Variants in ASTN2 observed in about 807,000 individuals in gnomAD.
The protein encoded by ASTN2 is astrotactin 2.
ASTN2 carries 54 observed loss-of-function variants against 139.8 expected under a neutral mutation model. That is an observed-to-expected ratio of 0.39 (90% CI 0.31 to 0.48). ASTN2 has a LOEUF of 0.48. Ranked by LOEUF, ASTN2 falls within the 20% of genes least tolerant of loss-of-function variation. The pLI, the probability that ASTN2 is intolerant of heterozygous loss-of-function variation, is 0.95. For synonymous variants in ASTN2, 756 were observed against 719.5 expected (o/e 1.05, Z -0.81); for missense variants, 1,565 against 1,725.1 (o/e 0.91, Z 1.64).
At chr9:116,529,040 G>A (rs549120572) in intron 19 of ASTN2, among the ~76,000 whole-genome samples, 18 of 152,192 alleles carry the variant, frequency 1.2e-4, no homozygotes, top group Non-Finnish European at 2.2e-4. Flanking sequence ...CTTACACAGT[G>A]TCACCACTGG....
intron 5 of ASTN2, among the ~76,000 whole-genome samples, chr9:117,081,361 C>T (rs1202973379): frequency 6.6e-6 from 1 of 151,984 alleles, no homozygotes; most frequent in African/African-American, 2.4e-5. Context: ...GAAACATACC[C>T]TCAGCCCCTT....
chr9:117,127,672 G>GT (rs11427891), intron 4 of ASTN2, among the ~76,000 whole-genome samples: 6,479 of 70,732 alleles, frequency 0.092, 1,452 homozygotes, highest in East Asian at 0.3. Flanking sequence ...TTTTGTTTTG[G>GT]TTTTTTTTTT....
intron 16 of ASTN2, among the ~76,000 whole-genome samples, chr9:116,703,240 C>T (rs1032131524): frequency 2.0e-5 from 3 of 151,586 alleles, no homozygotes; most frequent in Non-Finnish European, 4.4e-5. Context: ...TGATGATGAG[C>T]ATTTTTTCAT....
At position 116,622,034 on chromosome 9, in the gene ASTN2, C is replaced by T. The variant is rs1416488036; in HGVS notation, c.3073-1591G>A. On this transcript the variant is annotated intron_variant, in intron 17 of 22. Coordinates refer to ENST00000313400, the MANE Select transcript of ASTN2 (RefSeq NM_001365068.1). Reference sequence around the variant, plus strand: ...GCTTTGCCTGCTCTGCATGATGTTCCTATTTTTCATTTCTTTCATGTTTTT... The same window carrying T: ...GCTTTGCCTGCTCTGCATGATGTTCTTATTTTTCATTTCTTTCATGTTTTT... Among the ~76,000 whole-genome samples, 4 of 152,288 alleles carry T rather than the reference C, an allele frequency of 2.6e-5. 1 individual carries two copies. The highest frequency in any genetic ancestry group is 2.0e-4 in the Admixed American group (3 of 15,296).
rs147999363 is a variant in ASTN2 at position 116,766,785 on chromosome 9, C to T, written c.2397-33262G>A. ...ACGCACATACATTCATATTCATATA[C>T]ATCTAAACACACACACATTCATACA... On this transcript the variant is annotated intron_variant, in intron 13 of 22. Transcript: ENST00000313400. 8.6e-5 allele frequency among the ~76,000 whole-genome samples: 13 copies of T among 151,956 alleles called. No individual in the cohort carries two copies. In the East Asian group the frequency reaches 2.5e-3, roughly 29 times the overall value.
chr9:117,190,394 G>T (rs1347338142), intron 3 of ASTN2, among the ~76,000 whole-genome samples: 1 of 152,122 alleles, frequency 6.6e-6, no homozygotes, highest in Non-Finnish European at 1.5e-5. Context: ...GCTCTCGTTA[G>T]TATCCTCGCT....
chr9:117,057,301 G>A (rs1034678267), intron 5 of ASTN2, among the ~76,000 whole-genome samples: 5 of 152,102 alleles, frequency 3.3e-5, no homozygotes, highest in African/African-American at 4.8e-5. Context: ...AGCTCCTTGC[G>A]CTGAAATGGA....
intron 19 of ASTN2, among the ~76,000 whole-genome samples, chr9:116,499,196 CTTT>C (rs1849772464): frequency 6.6e-6 from 1 of 152,164 alleles, no homozygotes; most frequent in African/African-American, 2.4e-5. Context: ...TCTTTATTTG[CTTT>C]TTATTACTAA....
intron 17 of ASTN2, 36 bp downstream of exon 17, chr9:116,651,492 C>A (rs756628519): frequency 1.2e-6 from 2 of 1,601,140 alleles, no homozygotes; most frequent in South Asian, 2.2e-5. Flanking sequence ...GAGGGCTGGT[C>A]AAGTTTGACT....
intron 20 of ASTN2, among the ~76,000 whole-genome samples, chr9:116,451,089 G>A (rs146947458): frequency 1.7e-3 from 255 of 152,230 alleles, no homozygotes; most frequent in Non-Finnish European, 2.6e-3. Context: ...CTGGCAGGGA[G>A]AGCTCTGTAG....
At chr9:116,606,536 G>A (rs1855215497) in intron 19 of ASTN2, among the ~76,000 whole-genome samples, 1 of 152,290 alleles carries the variant, frequency 6.6e-6, no homozygotes, top group South Asian at 2.1e-4. Context: ...GGACTTGGCT[G>A]CCAGCAAAAA....
chr9:117,385,199 G>A (rs943656070), intron 1 of ASTN2, among the ~76,000 whole-genome samples: 1 of 151,994 alleles, frequency 6.6e-6, no homozygotes, highest in Non-Finnish European at 1.5e-5. Context: ...GAACATAAGG[G>A]AATATGCCTC....
intron 1 of ASTN2, among the ~76,000 whole-genome samples, chr9:117,356,379 T>C (rs1564163158): frequency 6.6e-6 from 1 of 152,208 alleles, no homozygotes; most frequent in African/African-American, 2.4e-5. Context: ...GAGATTATTA[T>C]CCCATGTTTG....
intron 1 of ASTN2, among the ~76,000 whole-genome samples, chr9:117,407,950 T>C (rs928269328): frequency 1.3e-5 from 2 of 152,142 alleles, no homozygotes; most frequent in Non-Finnish European, 2.9e-5. Context: ...TAAACCCGAC[T>C]CTTTTTTTCC....
At chr9:116,497,330 C>T (rs1849699673) in intron 19 of ASTN2, among the ~76,000 whole-genome samples, 1 of 152,184 alleles carries the variant, frequency 6.6e-6, no homozygotes, top group African/African-American at 2.4e-5. Context: ...AACTTGTTAG[C>T]CTCACTGTTC....
chr9:116,994,481 A>G (rs184606203), intron 7 of ASTN2, among the ~76,000 whole-genome samples: 2 of 152,282 alleles, frequency 1.3e-5, no homozygotes, highest in East Asian at 1.9e-4. Context: ...TATATGAAAT[A>G]TAGTTCTGCT....
chr9:116,805,589 G>C, intron 13 of ASTN2, 43 bp downstream of exon 13: 1 of 1,585,228 alleles, frequency 6.3e-7, no homozygotes, highest in Middle Eastern at 1.7e-4. Context: ...CAGGTTGTTT[G>C]TCAGTGACTC....
At chr9:117,348,247 G>T (rs1829284718) in intron 1 of ASTN2, among the ~76,000 whole-genome samples, 1 of 152,190 alleles carries the variant, frequency 6.6e-6, no homozygotes, top group African/African-American at 2.4e-5. Flanking sequence ...AGGTAGTTCA[G>T]TCTAAAATTG....
intron 10 of ASTN2, among the ~76,000 whole-genome samples, chr9:116,895,576 A>G (rs1336560738): frequency 6.6e-6 from 1 of 152,236 alleles, no homozygotes; most frequent in Non-Finnish European, 1.5e-5. Context: ...GGAGTTTGGT[A>G]GTAGTATCCT....
Sources: allele counts gnomAD v4.1 joint callset (sites outside exome capture counted in the v4.1 genomes callset), GRCh38; gene constraint gnomAD v4.1.1; transcripts MANE v1.5; gene names NCBI Gene and HGNC (gene_info 2026-07-23, HGNC 2026-07-21).